Variants in DMGDH observed in about 807,000 individuals in gnomAD.
The protein encoded by DMGDH is dimethylglycine dehydrogenase, mitochondrial.
Under a neutral mutation model 95.2 loss-of-function variants are expected in DMGDH, and 76 were observed. The ratio of observed to expected loss-of-function variants is 0.80; its 90% CI spans 0.66 to 0.97. The LOEUF (loss-of-function observed/expected upper bound fraction) is 0.97, where lower values mean the gene tolerates loss of function less well. Among genes scored for constraint, DMGDH ranks in the 50% least tolerant of loss-of-function variants. The pLI is 0.00. For missense variants in DMGDH, 987 were observed against 1,055.0 expected (o/e 0.94, Z 0.89); for synonymous variants, 345 against 377.6 (o/e 0.91, Z 1.00).
intron 5 of DMGDH, among the ~76,000 whole-genome samples, chr5:79,048,149 C>CTAT (rs74535018): frequency 6.6e-6 from 1 of 150,646 alleles, no homozygotes; most frequent in South Asian, 2.1e-4. Flanking sequence ...ATTATTATAC[C>CTAT]TTTTTTTTTA....
intron 7 of DMGDH, among the ~76,000 whole-genome samples, chr5:79,039,954 C>T (rs1754461383): frequency 6.6e-6 from 1 of 151,800 alleles, no homozygotes; most frequent in Non-Finnish European, 1.5e-5. Flanking sequence ...CCTAACCCCT[C>T]ACATTTTGTC....
At chr5:79,020,134 G>A (rs1332976986) in intron 14 of DMGDH, among the ~76,000 whole-genome samples, 1 of 152,140 alleles carries the variant, frequency 6.6e-6, no homozygotes, top group East Asian at 1.9e-4. Flanking sequence ...GAAAATCTTT[G>A]GTTGAAGACA....
In DMGDH at chr5:79,028,504, A is replaced by G; in HGVS notation, c.1961T>C (p.Phe654Ser). The G allele has an allele frequency of 6.2e-7, 1 of 1,614,176 alleles. No homozygotes were observed. Among genetic ancestry groups the G allele is most frequent in the Non-Finnish European group, 8.5e-7 (1 of 1,180,022 alleles). ...LTSEDLSDDVFKFLQTKSLKV... is the reference protein window; with the variant it reads ...LTSEDLSDDVSKFLQTKSLKV... ...TAAGGACTTGGTTTGAAGAAACTTGAAAACATCATCACTAAGATCTTCAGA... is the reference window on the plus strand; with the variant it reads ...TAAGGACTTGGTTTGAAGAAACTTGGAAACATCATCACTAAGATCTTCAGA... Residue 654 changes from phenylalanine to serine, a missense_variant, in exon 12 of 16, where the codon TTC (phenylalanine) becomes TCC (serine). By Grantham distance (155) the Phe-to-Ser change is radical. Transcript: ENST00000255189.
At chr5:79,053,114 T>C (rs17823816) in intron 4 of DMGDH, among the ~76,000 whole-genome samples, 6,762 of 152,304 alleles carry the variant, frequency 0.044, 317 homozygotes, top group Admixed American at 0.15. Flanking sequence ...TTAACAATAA[T>C]ATATACCGCA....
In DMGDH at chr5:79,026,204, T is replaced by C. The variant is rs577629587; in HGVS notation, c.2190+220A>G. 5.9e-5 allele frequency among the ~76,000 whole-genome samples: 9 copies of C among 152,304 alleles called. No individual in the cohort carries two copies. In the East Asian group the frequency reaches 9.6e-4, roughly 16 times the overall value. ...CAGTTATCTAGGGCTGTCAGCCAACTAGGATGAATTAAGGCAGAATAAACA... is the reference window on the plus strand; with the variant it reads ...CAGTTATCTAGGGCTGTCAGCCAACCAGGATGAATTAAGGCAGAATAAACA... On this transcript the variant is annotated intron_variant, in intron 13 of 15. Transcript: ENST00000255189.
At chr5:79,064,306 G>C (rs2947609) in intron 1 of DMGDH, among the ~76,000 whole-genome samples, 94,199 of 151,476 alleles carry the variant, frequency 0.62, 29,582 homozygotes, top group East Asian at 0.78. Flanking sequence ...TGAACCATGA[G>C]TGCGCCACTC....
At chr5:79,058,238 C>T (rs1312220412) in intron 2 of DMGDH, among the ~76,000 whole-genome samples, 1 of 152,116 alleles carries the variant, frequency 6.6e-6, no homozygotes. Context: ...AATTTTTATA[C>T]CCTTTCTTTT....
At chr5:79,043,818 A>G (rs1156731776) in intron 6 of DMGDH, among the ~76,000 whole-genome samples, 1 of 152,164 alleles carries the variant, frequency 6.6e-6, no homozygotes, top group Admixed American at 6.5e-5. Flanking sequence ...ATATCCACTT[A>G]TGTAGCATGG....
At chr5:79,065,368 C>T (rs1211846262) in intron 1 of DMGDH, among the ~76,000 whole-genome samples, 3 of 151,842 alleles carry the variant, frequency 2.0e-5, no homozygotes, top group Non-Finnish European at 4.4e-5. Flanking sequence ...CGTACCACCA[C>T]GCCCAGCTAA....
At position 79,024,254 on chromosome 5, in the gene DMGDH, T is replaced by C. The variant is rs759291474; in HGVS notation, c.2250+17A>G. The C allele has an allele frequency of 1.7e-5, 28 of 1,609,400 alleles. No individual in the cohort carries two copies. Among genetic ancestry groups the C allele is most frequent in the Non-Finnish European group, 2.4e-5 (28 of 1,175,942 alleles). ...TGTTAAGATTTACTTCAAGCACACT[T>C]TGGAATGTAAACATACCTTATTTAA... On this transcript the variant is annotated intron_variant, in intron 14 of 15. Coordinates refer to ENST00000255189, the MANE Select transcript of DMGDH (RefSeq NM_013391.3).
chr5:79,002,618 GACAC>G lies in DMGDH; in HGVS notation c.2385+2651_2385+2654del, dbSNP rs138355954. 5.3e-4 allele frequency among the ~76,000 whole-genome samples: 80 copies of G among 151,976 alleles called. 1 individual carries two copies. The highest frequency in any genetic ancestry group is 1.9e-3 in the African/African-American group (78 of 41,458). The stretch of plus-strand genomic sequence containing the variant: ...CCTAGAATATCGCTGGCATATGGTA[GACAC>G]ACACACACACAAAAAAGTCAATAAA... On this transcript the variant is annotated intron_variant, in intron 15 of 15. Coordinates refer to ENST00000255189, the MANE Select transcript of DMGDH (RefSeq NM_013391.3).
intron 7 of DMGDH, among the ~76,000 whole-genome samples, chr5:79,040,278 G>A (rs1272450229): frequency 4.6e-5 from 7 of 152,152 alleles, no homozygotes; most frequent in African/African-American, 1.4e-4. Flanking sequence ...TTGGTTGTTG[G>A]TGCTGGAAAA....
At chr5:79,063,047 G>A (rs6861362) in intron 2 of DMGDH, among the ~76,000 whole-genome samples, 28,530 of 151,860 alleles carry the variant, frequency 0.19, 2,812 homozygotes, top group South Asian at 0.23. Flanking sequence ...AGCCGAGATC[G>A]CGCCATTGCA....
At chr5:79,022,041 G>A (rs1267405251) in intron 14 of DMGDH, among the ~76,000 whole-genome samples, 3 of 152,138 alleles carry the variant, frequency 2.0e-5, no homozygotes, top group Non-Finnish European at 4.4e-5. Flanking sequence ...TCACATTATG[G>A]CTTAAACGAT....
In DMGDH at chr5:79,033,008, C is replaced by G. The variant is rs571747888; in HGVS notation, c.1364-168G>C. On this transcript the variant is annotated intron_variant, in intron 8 of 15. Transcript: ENST00000255189. ...GAAAACAGAGCTGTCATTTATATGA[C>G]TCATCAAAGAGTAAAGTAAAAATAT... 2.0e-5 allele frequency among the ~76,000 whole-genome samples: 3 copies of G among 152,192 alleles called. No individual in the cohort carries two copies. In the East Asian group the frequency reaches 5.8e-4, roughly 29 times the overall value.
At chr5:79,045,391 T>C (rs1178260119) in intron 5 of DMGDH, among the ~76,000 whole-genome samples, 2 of 152,158 alleles carry the variant, frequency 1.3e-5, no homozygotes, top group Non-Finnish European at 2.9e-5. Flanking sequence ...ACTGGATAAT[T>C]TGTGGCTGAA....
In DMGDH at chr5:79,051,542, T is replaced by C. The variant is rs775446054; in HGVS notation, c.541-51A>G. ...ACTCAAATATATATATACTTATTAC[T>C]CAGTAAAAATATATCCTGCTAGTAA... On this transcript the variant is annotated intron_variant, in intron 4 of 15. Coordinates refer to ENST00000255189, the MANE Select transcript of DMGDH (RefSeq NM_013391.3). 3.3e-6 allele frequency: 5 copies of C among 1,498,252 alleles called. No homozygotes were observed. In the African/African-American group the frequency reaches 7.0e-5, roughly 21 times the overall value. 92.8% of individuals were successfully genotyped at this position (1,498,252 alleles called of 1,614,324 possible). A position where few individuals can be genotyped will look rare whatever the true frequency, so the allele number is the denominator to read the frequency against.
intron 14 of DMGDH, among the ~76,000 whole-genome samples, chr5:79,017,414 A>G (rs776918549): frequency 1.9e-4 from 29 of 152,256 alleles, no homozygotes; most frequent in Non-Finnish European, 4.0e-4. Context: ...AAAATGTCCA[A>G]CATCATTTGA....
Position 79,054,182 on chromosome 5 carries a change from A to G in DMGDH, c.540+2T>C. On this transcript the variant is annotated splice_donor_variant, in intron 4 of 15. Coordinates refer to ENST00000255189, the MANE Select transcript of DMGDH (RefSeq NM_013391.3). LOFTEE classifies it high-confidence loss of function. Reference sequence around the variant, plus strand: ...TGGTAAAAATGCCCTTAAGATAAATACCTTATTCATGTTGAGTAAAGGGAA... The same window carrying G: ...TGGTAAAAATGCCCTTAAGATAAATGCCTTATTCATGTTGAGTAAAGGGAA... 1 of 1,613,696 alleles carries G rather than the reference A, an allele frequency of 6.2e-7. No homozygotes were observed. The highest frequency in any genetic ancestry group is 8.5e-7 in the Non-Finnish European group (1 of 1,179,888).
Sources: allele counts gnomAD v4.1 joint callset (sites outside exome capture counted in the v4.1 genomes callset), GRCh38; gene constraint gnomAD v4.1.1; transcripts MANE v1.5; gene names NCBI Gene and HGNC (gene_info 2026-07-23, HGNC 2026-07-21).